The following AUTS2 variants were observed in gnomAD, a reference collection of about 807,000 sequenced individuals.
The protein encoded by AUTS2 is activator of transcription and developmental regulator AUTS2.
In AUTS2, 17 loss-of-function variants were observed where a neutral mutation model predicts 112.4. The ratio of observed to expected loss-of-function variants is 0.15; its 90% CI spans 0.10 to 0.23. The LOEUF (loss-of-function observed/expected upper bound fraction) is 0.23, where lower values mean the gene tolerates loss of function less well. Among genes scored for constraint, AUTS2 ranks in the 10% least tolerant of loss-of-function variants. AUTS2 has a pLI of 1.00. For missense variants in AUTS2, 1,510 were observed against 1,701.6 expected (o/e 0.89, Z 1.98); for synonymous variants, 751 against 702.7 (o/e 1.07, Z -1.09).
chr7:69,762,738 C>T (rs1050674272), intron 1 of AUTS2, among the ~76,000 whole-genome samples: 8 of 152,000 alleles, frequency 5.3e-5, no homozygotes, highest in Non-Finnish European at 7.4e-5. Flanking sequence ...GTTCATATTT[C>T]GACTACATGG....
intron 2 of AUTS2, among the ~76,000 whole-genome samples, chr7:70,036,249 C>G (rs1014201414): frequency 3.9e-5 from 6 of 152,166 alleles, no homozygotes; most frequent in African/African-American, 1.4e-4. Flanking sequence ...GAAATGCATG[C>G]CAAGTTTGAG....
intron 4 of AUTS2, among the ~76,000 whole-genome samples, chr7:70,298,905 G>C (rs1789069308): frequency 6.6e-6 from 1 of 152,200 alleles, no homozygotes; most frequent in Admixed American, 6.5e-5. Flanking sequence ...TGTTCTCTCA[G>C]TAATAGGTTT....
At chr7:69,657,967 C>A (rs904233457) in intron 1 of AUTS2, among the ~76,000 whole-genome samples, 4 of 152,234 alleles carry the variant, frequency 2.6e-5, no homozygotes, top group African/African-American at 9.6e-5. Flanking sequence ...ACAGGCCAAA[C>A]CAGGCCACTA....
At chr7:69,607,814 T>A (rs2129075326) in intron 1 of AUTS2, among the ~76,000 whole-genome samples, 1 of 152,376 alleles carries the variant, frequency 6.6e-6, no homozygotes, top group East Asian at 1.9e-4. Flanking sequence ...CAAGTTGGGA[T>A]TCATTTTTGG....
At chr7:70,034,002 G>T (rs1800893257) in intron 2 of AUTS2, among the ~76,000 whole-genome samples, 2 of 152,142 alleles carry the variant, frequency 1.3e-5, no homozygotes, top group South Asian at 4.1e-4. Flanking sequence ...TGTTAGAGGT[G>T]ATGGGTATGC....
chr7:69,599,809 G>C lies in AUTS2; in HGVS notation c.156G>C (p.Ser52=), dbSNP rs1432464762. The C allele has an allele frequency of 1.9e-6, 3 of 1,599,630 alleles. No homozygotes were observed. Among genetic ancestry groups the C allele is most frequent in the Admixed American group, 1.7e-5 (1 of 58,944 alleles). ...GGGCGCTCTCACTCGCCTCGTCGTC[G>C]GGCTCCGACAAGGAAGACAATGGGA... The part of the protein sequence containing the change: ...RTRALSLASS[S]GSDKEDNGKP... Residue 52 remains serine (S), a synonymous_variant, in exon 1 of 19, where the codon TCG becomes TCC. Coordinates refer to ENST00000342771, the MANE Select transcript of AUTS2 (RefSeq NM_015570.4). This position sits in a 1 kb window ranked among gnomAD's most constrained non-coding sequence, Gnocchi z 7.0.
rs137929442 is a variant in AUTS2 at position 69,987,840 on chromosome 7, A to G, written c.522+88342A>G. Among the ~76,000 whole-genome samples the G allele has an allele frequency of 1.6e-3, 241 of 152,248 alleles. 1 individual carries two copies. The highest frequency in any genetic ancestry group is 5.5e-3 in the African/African-American group (227 of 41,538). ...TGATTGGTTTTAAAATATCTAGTTC[A>G]TTTTCATGTTGTTCCAGATGAATTC... On this transcript the variant is annotated intron_variant, in intron 2 of 18. Coordinates refer to ENST00000342771, the MANE Select transcript of AUTS2 (RefSeq NM_015570.4).
At chr7:69,618,203 T>C (rs556910788) in intron 1 of AUTS2, among the ~76,000 whole-genome samples, 21 of 152,284 alleles carry the variant, frequency 1.4e-4, no homozygotes, top group African/African-American at 4.8e-4. Flanking sequence ...GGGATGAGCT[T>C]GTCTCTAGAT....
chr7:69,945,850 G>T (rs1796789619), intron 2 of AUTS2, among the ~76,000 whole-genome samples: 2 of 151,884 alleles, frequency 1.3e-5, no homozygotes, highest in African/African-American at 4.8e-5. Context: ...GGATTTTTTT[G>T]TTTTGTTTTG....
chr7:70,630,660 T>C (rs1475216828), intron 5 of AUTS2, among the ~76,000 whole-genome samples: 1 of 152,172 alleles, frequency 6.6e-6, no homozygotes, highest in Non-Finnish European at 1.5e-5. Flanking sequence ...TCAGAATATA[T>C]CCAAGGGTGG....
intron 5 of AUTS2, among the ~76,000 whole-genome samples, chr7:70,440,444 G>T (rs544128623): frequency 3.0e-4 from 45 of 152,088 alleles, no homozygotes; most frequent in African/African-American, 9.6e-4. Context: ...AAGGCATCTG[G>T]CTCAGTGCCT....
Position 70,792,652 on chromosome 7 carries a change from G to T in AUTS2, c.*1656G>T, listed in dbSNP as rs991254357. 2 of 147,820 alleles carry T rather than the reference G, an allele frequency of 1.4e-5. No homozygotes were observed. Among genetic ancestry groups the T allele is most frequent in the African/African-American group, 2.5e-5 (1 of 39,942 alleles). 9.2% of individuals were successfully genotyped at this position (147,820 alleles called of 1,614,324 possible). On this transcript the variant is annotated 3_prime_UTR_variant, in exon 19 of 19. Transcript: ENST00000342771. Reference sequence around the variant, plus strand: ...TTTTAAGACAACAACTAAAAAAAATGCAAGGAATATGTACACTGGAACTGT... The same window carrying T: ...TTTTAAGACAACAACTAAAAAAAATTCAAGGAATATGTACACTGGAACTGT...
chr7:70,444,752 C>G (rs972433748), intron 5 of AUTS2, among the ~76,000 whole-genome samples: 2 of 152,140 alleles, frequency 1.3e-5, no homozygotes. Context: ...AGCTTTCTCC[C>G]TTGTTGTTCT....
intron 1 of AUTS2, among the ~76,000 whole-genome samples, chr7:69,732,366 T>A: frequency 6.6e-6 from 1 of 151,252 alleles, no homozygotes; most frequent in South Asian, 2.1e-4. Context: ...GGAAGTAAAC[T>A]TAATCTACAT....
At chr7:70,309,699 T>G (rs1789649641) in intron 4 of AUTS2, among the ~76,000 whole-genome samples, 1 of 152,186 alleles carries the variant, frequency 6.6e-6, no homozygotes, top group Non-Finnish European at 1.5e-5. Context: ...TTATGTAGTC[T>G]TTAAAAAAAG....
chr7:70,263,334 A>C (rs1259490641), intron 4 of AUTS2, among the ~76,000 whole-genome samples: 1 of 152,220 alleles, frequency 6.6e-6, no homozygotes, highest in Non-Finnish European at 1.5e-5. Flanking sequence ...ATATTACATA[A>C]ATGGGAAAAT....
At chr7:70,111,632 G>C (rs1015656472) in intron 2 of AUTS2, among the ~76,000 whole-genome samples, 1 of 152,064 alleles carries the variant, frequency 6.6e-6, no homozygotes, top group East Asian at 1.9e-4. Context: ...TTAATTTGCT[G>C]TGTTTCTTCA....
At chr7:70,090,705 C>T (rs1224061288) in intron 2 of AUTS2, among the ~76,000 whole-genome samples, 7 of 140,552 alleles carry the variant, frequency 5.0e-5, no homozygotes, top group African/African-American at 8.0e-5. Context: ...TTTTTTGAGG[C>T]GGAGTCTCGG....
intron 1 of AUTS2, among the ~76,000 whole-genome samples, chr7:69,685,779 A>C (rs1356880583): frequency 6.6e-6 from 1 of 151,308 alleles, no homozygotes; most frequent in Non-Finnish European, 1.5e-5. Context: ...GCTGGTCTGG[A>C]ATTCCTGAGC....
Sources: allele counts gnomAD v4.1 joint callset (sites outside exome capture counted in the v4.1 genomes callset), GRCh38; gene constraint gnomAD v4.1.1; non-coding constraint Gnocchi (gnomAD v3.1); transcripts MANE v1.5; gene names NCBI Gene and HGNC (gene_info 2026-07-23, HGNC 2026-07-21).